Variants in KIF6 observed in about 807,000 individuals in gnomAD.
The protein encoded by KIF6 is kinesin family member 6.
KIF6 carries 106 observed loss-of-function variants against 112.7 expected under a neutral mutation model. The observed-to-expected ratio is 0.94, with a 90% CI of 0.80 to 1.11. KIF6 has a LOEUF of 1.11. KIF6 is among the 50% of genes least tolerant of loss of function. KIF6 has a pLI of 0.00. For missense variants in KIF6, 929 were observed against 964.0 expected, an observed-to-expected ratio of 0.96 and a Z score of 0.48; for synonymous variants, 339 against 339.9, an observed-to-expected ratio of 1.00 and a Z score of 0.03.
At chr6:39,646,402 A>G (rs150411968) in intron 3 of KIF6, among the ~76,000 whole-genome samples, 283 of 152,220 alleles carry the variant, frequency 1.9e-3, no homozygotes, top group African/African-American at 6.6e-3. Context: ...TTGTCCACCC[A>G]AAGAATTCCC....
intron 13 of KIF6, among the ~76,000 whole-genome samples, chr6:39,527,817 C>CT (rs950522146): frequency 2.6e-5 from 4 of 152,060 alleles, no homozygotes; most frequent in African/African-American, 7.2e-5. Context: ...TCATATTATT[C>CT]TTTTTTTAAC....
At chr6:39,581,447 C>A (rs111811516) in intron 9 of KIF6, among the ~76,000 whole-genome samples, 13,550 of 151,870 alleles carry the variant, frequency 0.089, 645 homozygotes, top group Middle Eastern at 0.14. Context: ...TGAGCCACTG[C>A]GCCCGGCCCG....
At position 39,714,672 on chromosome 6, in the gene KIF6, C is replaced by T. The variant is rs572152306; in HGVS notation, c.251+20G>A. On this transcript the variant is annotated intron_variant, in intron 3 of 22. Transcript: ENST00000287152. ...CATGAAAAACCACGAGCCCACTGAA[C>T]AAAATATGGGAAATCCTACCTCCCA... 188 of 1,600,984 alleles carry T rather than the reference C, an allele frequency of 1.2e-4. No individual in the cohort carries two copies. The highest frequency in any genetic ancestry group is 1.5e-4 in the Non-Finnish European group (175 of 1,168,560).
Position 39,596,176 on chromosome 6 carries a change from G to A in KIF6, c.724C>T (p.Arg242Ter), listed in dbSNP as rs367544865. Reference sequence around the variant, plus strand: ...TCAACCAGATGGAGTTTGGCATGTCGTACAGTTGCAGATCCTGGTTCCTTG... The same window carrying A: ...TCAACCAGATGGAGTTTGGCATGTCATACAGTTGCAGATCCTGGTTCCTTG... Reference protein sequence around the residue: ...SSKEPGSATVRHAKLHLVDLA... With the variant: ...SSKEPGSATV The change falls in exon 7 of 23, where the codon CGA becomes TGA. Residue 242 changes from arginine to a stop codon, truncating the protein, a stop_gained. Coordinates refer to ENST00000287152, the MANE Select transcript of KIF6 (RefSeq NM_145027.6). LOFTEE classifies it high-confidence loss of function. 2.2e-5 allele frequency: 35 copies of A among 1,613,998 alleles called. No homozygotes were observed. The highest frequency in any genetic ancestry group is 1.7e-4 in the Middle Eastern group (1 of 6,060).
chr6:39,625,044 CTCTT>C (rs1355819574), intron 5 of KIF6, among the ~76,000 whole-genome samples: 14 of 147,022 alleles, frequency 9.5e-5, no homozygotes, highest in African/African-American at 3.3e-4. Flanking sequence ...AGCTCTCTCT[CTCTT>C]TCTCTCCTCA....
intron 7 of KIF6, among the ~76,000 whole-genome samples, chr6:39,595,600 A>G (rs912545300): frequency 2.6e-4 from 40 of 152,390 alleles, no homozygotes; most frequent in Middle Eastern, 3.4e-3. Flanking sequence ...TGACGCAGAC[A>G]TACAATTGGA....
At position 39,384,697 on chromosome 6, in the gene KIF6, G is replaced by T. The variant is rs545019428; in HGVS notation, c.1861+925C>A. 2.0e-5 allele frequency among the ~76,000 whole-genome samples: 3 copies of T among 152,322 alleles called. No homozygotes were observed. In the East Asian group the frequency reaches 5.8e-4, roughly 29 times the overall value. On this transcript the variant is annotated intron_variant, in intron 16 of 22. Coordinates refer to ENST00000287152, the MANE Select transcript of KIF6 (RefSeq NM_145027.6). ...TCTATTTCCCCACCATTGGCCCTGG[G>T]TGCTGGATTTCTCCGATTACAGGTA... is the stretch of plus-strand genomic sequence containing the variant.
At chr6:39,721,079 ATC>A (rs1447565470) in intron 1 of KIF6, among the ~76,000 whole-genome samples, 2 of 152,322 alleles carry the variant, frequency 1.3e-5, no homozygotes, top group South Asian at 2.1e-4. Context: ...GTATTTGACT[ATC>A]TCTGTTATTA....
intron 5 of KIF6, among the ~76,000 whole-genome samples, chr6:39,621,320 G>A (rs1259665699): frequency 6.6e-6 from 1 of 151,964 alleles, no homozygotes; most frequent in African/African-American, 2.4e-5. Context: ...GATGATTTCT[G>A]GGGGTGACGT....
intron 7 of KIF6, among the ~76,000 whole-genome samples, chr6:39,595,796 C>G (rs892106764): frequency 6.6e-6 from 1 of 152,058 alleles, no homozygotes; most frequent in African/African-American, 2.4e-5. Context: ...TGACCAGGGA[C>G]TAGAGTATAG....
intron 3 of KIF6, among the ~76,000 whole-genome samples, chr6:39,659,989 A>G (rs1414970821): frequency 1.3e-5 from 2 of 152,198 alleles, no homozygotes; most frequent in African/African-American, 4.8e-5. Context: ...CCATAAGTTT[A>G]TATATGTAGT....
intron 13 of KIF6, among the ~76,000 whole-genome samples, chr6:39,478,672 C>T (rs115647890): frequency 0.05 from 7,435 of 149,888 alleles, 303 homozygotes; most frequent in Admixed American, 0.14. Context: ...AAAAGTGTTT[C>T]CTGTTCACTG....
At chr6:39,508,442 A>T (rs1281298539) in intron 13 of KIF6, among the ~76,000 whole-genome samples, 1 of 152,070 alleles carries the variant, frequency 6.6e-6, no homozygotes, top group African/African-American at 2.4e-5. Context: ...GGGTCAGGGG[A>T]TCTCCCTTTC....
Position 39,580,716 on chromosome 6 carries a change from G to T in KIF6, c.1078-2557C>A, listed in dbSNP as rs114637732. On this transcript the variant is annotated intron_variant, in intron 9 of 22. Transcript: ENST00000287152. ...AGTATTTTAGTATAAACCATCTCAG[G>T]CATATAAAATAGTATAAAAGAATAC... Among the ~76,000 whole-genome samples, 1,178 of 152,068 alleles carry T rather than the reference G, an allele frequency of 7.7e-3. 19 individuals carry two copies. Among genetic ancestry groups the T allele is most frequent in the African/African-American group, 0.027 (1,119 of 41,472 alleles).
At chr6:39,567,609 T>A (rs1291416571) in intron 10 of KIF6, among the ~76,000 whole-genome samples, 1 of 136,682 alleles carries the variant, frequency 7.3e-6, no homozygotes, top group Non-Finnish European at 1.6e-5. Flanking sequence ...CAGAAGTGAT[T>A]TCTTTTTTTT....
intron 13 of KIF6, among the ~76,000 whole-genome samples, chr6:39,451,882 T>C (rs1045430495): frequency 2.4e-4 from 36 of 152,186 alleles, no homozygotes; most frequent in African/African-American, 8.7e-4. Context: ...GCACCCAATC[T>C]GTCCAGAAGA....
At chr6:39,362,337 C>A in intron 17 of KIF6, 97 bp downstream of exon 17, 1 of 904,840 alleles carries the variant, frequency 1.1e-6, no homozygotes. Context: ...CTGCTGGACC[C>A]ACATCCCTGA....
Position 39,613,074 on chromosome 6 carries a change from T to A in KIF6, c.639+115A>T, listed in dbSNP as rs1382812440. 3 of 775,564 alleles carry A rather than the reference T, an allele frequency of 3.9e-6. No individual in the cohort carries two copies. The African/African-American group carries it at 5.4e-5, about 14-fold the overall frequency. 48.0% of individuals were successfully genotyped at this position (775,564 alleles called of 1,614,324 possible). On this transcript the variant is annotated intron_variant, in intron 6 of 22. Transcript: ENST00000287152. ...GCATGTGAGGTTTGGACGAGATTAT[T>A]TTTAAGGTCATTGTTGGCCCTAAAC...
chr6:39,335,467 A>C lies in KIF6; in HGVS notation c.*1065T>G, dbSNP rs956713982. ...AAGAAAATCAAGCCAATTATACTAT[A>C]TTACCACTCTGCTCCCCTCCAGGGT... is the stretch of plus-strand genomic sequence containing the variant. On this transcript the variant is annotated 3_prime_UTR_variant, in exon 23 of 23. Coordinates refer to ENST00000287152, the MANE Select transcript of KIF6 (RefSeq NM_145027.6). 7 of 152,192 alleles carry C rather than the reference A, an allele frequency of 4.6e-5. No individual in the cohort carries two copies. Among genetic ancestry groups the C allele is most frequent in the African/African-American group, 1.7e-4 (7 of 41,428 alleles). 9.4% of individuals were successfully genotyped at this position (152,192 alleles called of 1,614,324 possible).
Sources: gnomAD v4.1 joint callset for allele counts (sites outside exome capture counted in the v4.1 genomes callset) on GRCh38, gnomAD v4.1.1 for gene constraint, MANE v1.5 for transcripts, NCBI Gene and HGNC (gene_info 2026-07-23, HGNC 2026-07-21) for gene names.